Variants in GMCL1 observed in about 807,000 individuals in gnomAD.
GMCL1 encodes germ cell-less 1, spermatogenesis associated.
Under a neutral mutation model 75.5 loss-of-function variants are expected in GMCL1, and 54 were observed. That is an observed-to-expected ratio of 0.71 (90% CI 0.57 to 0.90). The LOEUF is 0.90. GMCL1 is among the 40% of genes least tolerant of loss of function. GMCL1 has a pLI of 0.00. For synonymous variants in GMCL1, 210 were observed against 209.6 expected, an observed-to-expected ratio of 1.00 and a Z score of -0.02; for missense variants, 537 against 622.7, an observed-to-expected ratio of 0.86 and a Z score of 1.47.
At chr2:69,868,869 G>T (rs866119929) in intron 11 of GMCL1, among the ~76,000 whole-genome samples, 1 of 150,128 alleles carries the variant, frequency 6.7e-6, no homozygotes, top group South Asian at 2.1e-4. Flanking sequence ...TAATCCCAGC[G>T]CTTTGGGAGG....
intron 7 of GMCL1, among the ~76,000 whole-genome samples, chr2:69,849,055 A>T (rs1369905955): frequency 6.6e-6 from 1 of 152,222 alleles, no homozygotes; most frequent in Admixed American, 6.5e-5. Context: ...ATATACATAT[A>T]TATTAAACCT....
chr2:69,869,992 A>G (rs1675941516), intron 12 of GMCL1, 128 bp downstream of exon 12: 1 of 839,394 alleles, frequency 1.2e-6, no homozygotes, highest in Non-Finnish European at 1.8e-6. Flanking sequence ...GTGGTAGGAA[A>G]TGACGAGGCT....
rs779866033 is a variant in GMCL1, at chr2:69,847,675, A to G, written c.843+48A>G. 2.1e-5 allele frequency: 23 copies of G among 1,097,652 alleles called. No homozygotes were observed. In the East Asian group the frequency reaches 3.1e-4, roughly 15 times the overall value. 68.0% of individuals were successfully genotyped at this position (1,097,652 alleles called of 1,614,324 possible). On this transcript the variant is annotated intron_variant, in intron 7 of 13. Transcript: ENST00000282570. ...TATTATACAAGGATGTCACCTCAGCAATGCGTATAATGGTGAAAAACTGGA... is the reference window on the plus strand; with the variant it reads ...TATTATACAAGGATGTCACCTCAGCGATGCGTATAATGGTGAAAAACTGGA...
Position 69,833,599 on chromosome 2 carries a change from G to C in GMCL1, c.260+3447G>C, listed in dbSNP as rs544948674. The stretch of plus-strand genomic sequence containing the variant: ...CCACTGCGCTCCAGCCTGAGCAACA[G>C]AGTAAGACCCTGTCTCAAAAACTAA... On this transcript the variant is annotated intron_variant, in intron 1 of 13. Coordinates refer to ENST00000282570, the MANE Select transcript of GMCL1 (RefSeq NM_178439.5). Among the ~76,000 whole-genome samples the C allele has an allele frequency of 3.3e-5, 5 of 152,366 alleles. No homozygotes were observed. The South Asian group carries it at 1.0e-3, about 32-fold the overall frequency.
intron 8 of GMCL1, 122 bp downstream of exon 8, chr2:69,849,864 G>C (rs1438087103): frequency 5.7e-6 from 3 of 524,662 alleles, no homozygotes; most frequent in Non-Finnish European, 9.8e-6. Flanking sequence ...CTTGTTTATA[G>C]ACTTAATTTT....
At position 69,847,982 on chromosome 2, in the gene GMCL1, C is replaced by T. The variant is rs960960681; in HGVS notation, c.843+355C>T. Among the ~76,000 whole-genome samples, 10 of 152,264 alleles carry T rather than the reference C, an allele frequency of 6.6e-5. No individual in the cohort carries two copies. The East Asian group carries it at 1.3e-3, about 21-fold the overall frequency. ...CAGTTAATGATGGCATTTTTACACA[C>T]GCTTTTTCTAAGAAATGTTGAAATT... On this transcript the variant is annotated intron_variant, in intron 7 of 13. Coordinates refer to ENST00000282570, the MANE Select transcript of GMCL1 (RefSeq NM_178439.5).
intron 9 of GMCL1, among the ~76,000 whole-genome samples, chr2:69,860,668 G>A (rs1408769337): frequency 5.9e-5 from 9 of 152,090 alleles, no homozygotes; most frequent in African/African-American, 1.2e-4. Flanking sequence ...AAGGGAAAAC[G>A]TTAAACGCAA....
intron 9 of GMCL1, among the ~76,000 whole-genome samples, chr2:69,857,840 C>A (rs959820990): frequency 6.6e-6 from 1 of 152,148 alleles, no homozygotes; most frequent in African/African-American, 2.4e-5. Flanking sequence ...TAAGTGGATT[C>A]ATGTTAGTGT....
chr2:69,846,706 A>G (rs1428927040), intron 6 of GMCL1, among the ~76,000 whole-genome samples: 1 of 152,208 alleles, frequency 6.6e-6, no homozygotes, highest in East Asian at 1.9e-4. Context: ...TTCACTCTAA[A>G]TAACTAGCAC....
rs541821703 is a variant in GMCL1, at chr2:69,876,715, G to A, written c.1453-2194G>A. Among the ~76,000 whole-genome samples, 342 of 152,162 alleles carry A rather than the reference G, an allele frequency of 2.2e-3. 1 individual carries two copies. Among genetic ancestry groups the A allele is most frequent in the Non-Finnish European group, 3.2e-3 (221 of 68,042 alleles). On this transcript the variant is annotated intron_variant, in intron 13 of 13. Transcript: ENST00000282570. Reference sequence around the variant, plus strand: ...ATCAAAGCCAAATTGCAGGCTTGGCGTGGTAGCTCATGCCTGTAATCCCAG... The same window carrying A: ...ATCAAAGCCAAATTGCAGGCTTGGCATGGTAGCTCATGCCTGTAATCCCAG...
At chr2:69,843,756 A>C (rs1007199441) in intron 5 of GMCL1, among the ~76,000 whole-genome samples, 1 of 152,226 alleles carries the variant, frequency 6.6e-6, no homozygotes, top group African/African-American at 2.4e-5. Flanking sequence ...ATGCCACTGC[A>C]CTTTATAGTA....
Position 69,871,796 on chromosome 2 carries a change from A to T in GMCL1, c.1416A>T (p.Thr472=), listed in dbSNP as rs747803591. Reference sequence around the variant, plus strand: ...GTGGAAAACTAATATGTAGTAGAACAACTGGCTATCAAATACTTACACTTG... The same window carrying T: ...GTGGAAAACTAATATGTAGTAGAACTACTGGCTATCAAATACTTACACTTG... ...DSSGKLICSR[T]TGYQILTLEK... is the part of the protein sequence containing the mutation. Residue 472 remains threonine, a synonymous_variant, in exon 13 of 14, where the codon ACA becomes ACT. Coordinates refer to ENST00000282570, the MANE Select transcript of GMCL1 (RefSeq NM_178439.5). 6.3e-7 allele frequency: 1 copy of T among 1,594,962 alleles called. No individual in the cohort carries two copies. Among genetic ancestry groups the T allele is most frequent in the Admixed American group, 1.7e-5 (1 of 58,470 alleles).
rs1459671416 is a variant in GMCL1 at position 69,831,628 on chromosome 2, G to A, written c.260+1476G>A. Among the ~76,000 whole-genome samples, 4 of 151,602 alleles carry A rather than the reference G, an allele frequency of 2.6e-5. No individual in the cohort carries two copies. The East Asian group carries it at 7.8e-4, about 29-fold the overall frequency. On this transcript the variant is annotated intron_variant, in intron 1 of 13. Coordinates refer to ENST00000282570, the MANE Select transcript of GMCL1 (RefSeq NM_178439.5). Reference sequence around the variant, plus strand: ...TTGGAAAAATTTTTCTCTATTTTGAGACAGGGTCTCGCTGTGTCGCCCAGG... The same window carrying A: ...TTGGAAAAATTTTTCTCTATTTTGAAACAGGGTCTCGCTGTGTCGCCCAGG...
chr2:69,847,736 T>C (rs973873782), intron 7 of GMCL1, 109 bp downstream of exon 7: 1 of 579,640 alleles, frequency 1.7e-6, no homozygotes, highest in Non-Finnish European at 3.0e-6. Context: ...GTTATAAATG[T>C]AGGAAAAGGA....
chr2:69,875,991 G>A (rs1042616360), intron 13 of GMCL1, among the ~76,000 whole-genome samples: 12 of 152,122 alleles, frequency 7.9e-5, no homozygotes, highest in South Asian at 2.1e-4. Flanking sequence ...CACCCAGCCA[G>A]TATTTTACAT....
At chr2:69,867,048 G>A (rs1431806753) in intron 11 of GMCL1, among the ~76,000 whole-genome samples, 1 of 151,660 alleles carries the variant, frequency 6.6e-6, no homozygotes, top group Non-Finnish European at 1.5e-5. Flanking sequence ...GGGCTCAAGT[G>A]ATCCTCCCAC....
At chr2:69,869,061 T>C (rs922894010) in intron 11 of GMCL1, among the ~76,000 whole-genome samples, 7 of 151,782 alleles carry the variant, frequency 4.6e-5, no homozygotes, top group African/African-American at 1.7e-4. Context: ...GAGACCAGCC[T>C]GACCAACATG....
In GMCL1 at chr2:69,878,904, T is replaced by C; in HGVS notation, c.1453-5T>C. 6.3e-7 allele frequency: 1 copy of C among 1,589,620 alleles called. No homozygotes were observed. Among genetic ancestry groups the C allele is most frequent in the Non-Finnish European group, 8.6e-7 (1 of 1,158,254 alleles). Reference sequence around the variant, plus strand: ...TGTCATTGAATCTACAAATCTGTCTTATAGGAACAAGTGGTGATGAACTTG... The same window carrying C: ...TGTCATTGAATCTACAAATCTGTCTCATAGGAACAAGTGGTGATGAACTTG... On this transcript the variant is annotated splice_region_variant and splice_polypyrimidine_tract_variant and intron_variant, in intron 13 of 13. Transcript: ENST00000282570.
At chr2:69,869,972 A>G (rs1675940651) in intron 12 of GMCL1, 108 bp downstream of exon 12, 1 of 1,117,390 alleles carries the variant, frequency 8.9e-7, no homozygotes, top group Non-Finnish European at 1.3e-6. Flanking sequence ...AAGCTACAGT[A>G]TATGTGGAAG....
Sources: gnomAD v4.1 joint callset for allele counts (sites outside exome capture counted in the v4.1 genomes callset) on GRCh38, gnomAD v4.1.1 for gene constraint, MANE v1.5 for transcripts, NCBI Gene and HGNC (gene_info 2026-07-23, HGNC 2026-07-21) for gene names.